The following RBFOX1 variants were observed in gnomAD, a reference collection of about 807,000 sequenced individuals.
RBFOX1 encodes RNA binding protein fox-1 homolog 1.
A neutral mutation model predicts 57.7 loss-of-function variants in RBFOX1; 8 were observed. The observed-to-expected ratio is 0.14, with a 90% CI of 0.08 to 0.25. RBFOX1 has a LOEUF of 0.25. Among genes scored for constraint, RBFOX1 ranks in the 10% least tolerant of loss-of-function variants. RBFOX1 has a pLI of 1.00. For missense variants in RBFOX1, 611 were observed against 548.5 expected, an observed-to-expected ratio of 1.11 and a Z score of -1.14; for synonymous variants, 326 against 222.4, an observed-to-expected ratio of 1.47 and a Z score of -4.15.
intron 5 of RBFOX1, among the ~76,000 whole-genome samples, chr16:7,555,638 C>G (rs758098739): frequency 7.2e-5 from 11 of 152,122 alleles, no homozygotes; most frequent in Non-Finnish European, 1.3e-4. Flanking sequence ...TTTTCTCTTC[C>G]CCTTGAACGT....
chr16:7,378,319 T>G (rs1302512896), intron 4 of RBFOX1, among the ~76,000 whole-genome samples: 1 of 152,176 alleles, frequency 6.6e-6, no homozygotes, highest in African/African-American at 2.4e-5. Context: ...GAAGCTTCTA[T>G]CTTTCAGGGT....
At chr16:5,701,111 C>A (rs2051031851) in intron 3 of RBFOX1, among the ~76,000 whole-genome samples, 1 of 97,508 alleles carries the variant, frequency 1.0e-5, no homozygotes, top group Non-Finnish European at 3.0e-5. Flanking sequence ...CCAGAAAATG[C>A]CTGTTTATTG....
intron 3 of RBFOX1, among the ~76,000 whole-genome samples, chr16:5,724,682 C>G (rs532456312): frequency 6.6e-6 from 1 of 152,270 alleles, no homozygotes; most frequent in East Asian, 1.9e-4. Context: ...CTTCACTTCT[C>G]CCATCACACA....
chr16:6,322,820 A>T (rs938028287), intron 2 of RBFOX1, among the ~76,000 whole-genome samples: 1 of 152,166 alleles, frequency 6.6e-6, no homozygotes, highest in African/African-American at 2.4e-5. Context: ...GCATTACCTT[A>T]ATTCAAGGCC....
At chr16:5,393,079 A>G (rs572268440) in intron 1 of RBFOX1, among the ~76,000 whole-genome samples, 152 of 152,126 alleles carry the variant, frequency 1.0e-3, no homozygotes, top group African/African-American at 3.6e-3. Flanking sequence ...AAGAGTGGCG[A>G]GGGTGGGGCT....
At chr16:5,839,926 C>A (rs1003903922) in intron 3 of RBFOX1, among the ~76,000 whole-genome samples, 1 of 152,142 alleles carries the variant, frequency 6.6e-6, no homozygotes, top group Non-Finnish European at 1.5e-5. Flanking sequence ...GACAGAGAAA[C>A]TAAGGTAGAC....
At position 6,553,632 on chromosome 16, in the gene RBFOX1, G is replaced by T. The variant is rs1360181544; in HGVS notation, c.-63-100971G>T. Among the ~76,000 whole-genome samples, 5 of 152,052 alleles carry T rather than the reference G, an allele frequency of 3.3e-5. No homozygotes were observed. In the East Asian group the frequency reaches 9.7e-4, roughly 29 times the overall value. On this transcript the variant is annotated intron_variant, in intron 2 of 15. Coordinates refer to ENST00000550418, the MANE Select transcript of RBFOX1 (RefSeq NM_018723.4). The stretch of plus-strand genomic sequence containing the variant: ...GGTGAGAGTAGACGCGGTGGGGATG[G>T]ACGATCTCTCTCAGGACAGGATGAT...
At chr16:5,661,491 C>T (rs116885093) in intron 3 of RBFOX1, among the ~76,000 whole-genome samples, 2,306 of 152,276 alleles carry the variant, frequency 0.015, 29 homozygotes, top group Non-Finnish European at 0.024. Context: ...AGTAGATATC[C>T]AGATTTTCCC....
intron 2 of RBFOX1, among the ~76,000 whole-genome samples, chr16:6,525,163 C>G (rs1469784396): frequency 2.6e-5 from 4 of 152,102 alleles, no homozygotes; most frequent in Non-Finnish European, 5.9e-5. Context: ...TGCAAACATC[C>G]TGAACTATAG....
At chr16:6,574,833 T>A (rs1453248235) in intron 2 of RBFOX1, among the ~76,000 whole-genome samples, 4 of 147,094 alleles carry the variant, frequency 2.7e-5, no homozygotes, top group African/African-American at 9.9e-5. Context: ...GGTCAGGCGA[T>A]CCAGACCATC....
At chr16:5,501,486 C>T (rs2151698812) in intron 2 of RBFOX1, among the ~76,000 whole-genome samples, 1 of 152,162 alleles carries the variant, frequency 6.6e-6, no homozygotes, top group South Asian at 2.1e-4. Context: ...AGGCTGAATC[C>T]TGGGGGAAGA....
rs1410744665 is a variant in RBFOX1 at position 6,767,947 on chromosome 16, T to TAATAATAAGAAGAAGAAG, written c.-16+113299_-16+113300insTAATAAGAAGAAGAAGAA. Among the ~76,000 whole-genome samples the TAATAATAAGAAGAAGAAG allele has an allele frequency of 7.9e-4, 80 of 101,028 alleles. 2 individuals carry two copies. Among genetic ancestry groups the TAATAATAAGAAGAAGAAG allele is most frequent in the South Asian group, 2.9e-3 (8 of 2,740 alleles). 66.3% of individuals were successfully genotyped at this position (101,028 alleles called of 152,430 possible). A position where few individuals can be genotyped will look rare whatever the true frequency, so the allele number is the denominator to read the frequency against. Reference sequence around the variant, plus strand: ...ATAATAATAATAATAATAATAATAATAAGAAGAAGAAGAAGAAGAAGAAGA... The same window carrying TAATAATAAGAAGAAGAAG: ...ATAATAATAATAATAATAATAATAATAATAATAAGAAGAAGAAGAAGAAGAAGAAGAAGAAGAAGAAGA... On this transcript the variant is annotated intron_variant, in intron 3 of 15. Transcript: ENST00000550418.
intron 3 of RBFOX1, among the ~76,000 whole-genome samples, chr16:6,672,633 A>G (rs893240218): frequency 6.6e-6 from 1 of 152,140 alleles, no homozygotes; most frequent in Non-Finnish European, 1.5e-5. Flanking sequence ...TCAGGTACAC[A>G]TGGATCCAGG....
intron 8 of RBFOX1, 141 bp from the exon 9 acceptor site, chr16:7,597,230 C>A: frequency 1.8e-6 from 1 of 556,512 alleles, no homozygotes; most frequent in Non-Finnish European, 3.1e-6. Context: ...TGTTATGCAC[C>A]TACTGCCTTT....
chr16:7,187,188 A>G (rs1410777034), intron 4 of RBFOX1, among the ~76,000 whole-genome samples: 1 of 151,912 alleles, frequency 6.6e-6, no homozygotes, highest in East Asian at 1.9e-4. Context: ...ATAAAAAAAT[A>G]AATAAAATGT....
intron 2 of RBFOX1, among the ~76,000 whole-genome samples, chr16:6,355,870 G>GGT (rs1395275455): frequency 6.6e-6 from 1 of 152,174 alleles, no homozygotes; most frequent in Non-Finnish European, 1.5e-5. Flanking sequence ...TATACAAAAT[G>GGT]ATCAGGAGCA....
At chr16:6,975,479 C>G (rs762488421) in intron 3 of RBFOX1, among the ~76,000 whole-genome samples, 1 of 152,088 alleles carries the variant, frequency 6.6e-6, no homozygotes, top group Non-Finnish European at 1.5e-5. Flanking sequence ...CTTGGCCAAG[C>G]TGGTCTCAAA....
intron 4 of RBFOX1, among the ~76,000 whole-genome samples, chr16:7,251,502 G>A (rs760842530): frequency 4.0e-5 from 6 of 149,656 alleles, no homozygotes; most frequent in Non-Finnish European, 7.4e-5. Flanking sequence ...CCTCTGCCTC[G>A]TGGGTTCAAG....
intron 3 of RBFOX1, among the ~76,000 whole-genome samples, chr16:6,678,687 G>A (rs2058150785): frequency 6.6e-6 from 1 of 151,796 alleles, no homozygotes; most frequent in Admixed American, 6.6e-5. Context: ...AACAAATGTA[G>A]GGAATCCTTT....
Sources: gnomAD v4.1 joint callset for allele counts (sites outside exome capture counted in the v4.1 genomes callset) on GRCh38, gnomAD v4.1.1 for gene constraint, MANE v1.5 for transcripts, NCBI Gene and HGNC (gene_info 2026-07-23, HGNC 2026-07-21) for gene names.